The following NTM variants were observed in gnomAD, a reference collection of about 807,000 sequenced individuals.
NTM encodes IgLON family member 2.
In NTM, 13 loss-of-function variants were observed where a neutral mutation model predicts 42.1. The observed-to-expected ratio is 0.31, with a 90% CI of 0.20 to 0.49. The LOEUF is 0.49. Among genes scored for constraint, NTM ranks in the 20% least tolerant of loss-of-function variants. The pLI is 0.99. For missense variants in NTM, 373 were observed against 452.8 expected, an observed-to-expected ratio of 0.82 and a Z score of 1.60; for synonymous variants, 187 against 179.2, an observed-to-expected ratio of 1.04 and a Z score of -0.35.
intron 1 of NTM, among the ~76,000 whole-genome samples, chr11:131,785,403 G>A (rs2088968957): frequency 6.6e-6 from 1 of 152,212 alleles, no homozygotes; most frequent in South Asian, 2.1e-4. Flanking sequence ...AGTCTCAAAA[G>A]TGAGATTCAA....
chr11:132,235,993 GAC>G lies in NTM; in HGVS notation c.526+23874_526+23875del, dbSNP rs367555812. Reference sequence around the variant, plus strand: ...CAATTTTTTGACAGGCACACACACAGACACACACACACACACACACACACACA... The same window carrying G: ...CAATTTTTTGACAGGCACACACACAGACACACACACACACACACACACACA... On this transcript the variant is annotated intron_variant, in intron 4 of 8. Coordinates refer to ENST00000683400, the MANE Select transcript of NTM (RefSeq NM_001352005.2). 6.8e-3 allele frequency among the ~76,000 whole-genome samples: 688 copies of G among 101,058 alleles called. 1 individual carries two copies. The highest frequency in any genetic ancestry group is 0.016 in the African/African-American group (503 of 32,088). The allele number at this position is 101,058 out of a possible 152,430, so 66.3% of individuals were successfully genotyped here.
At chr11:132,056,020 T>A (rs927803526) in intron 2 of NTM, among the ~76,000 whole-genome samples, 1 of 152,334 alleles carries the variant, frequency 6.6e-6, no homozygotes, top group Admixed American at 6.5e-5. Flanking sequence ...GGCAGCTGTG[T>A]GTTCAGGTAG....
chr11:132,138,591 TATC>T lies in NTM; in HGVS notation c.168-7690_168-7688del, dbSNP rs1444279044. Reference sequence around the variant, plus strand: ...CTATCTATCTATCTATCTATCTATCTATCTATCTATCTATCTATCTATCTATCT... The same window carrying T: ...CTATCTATCTATCTATCTATCTATCTTATCTATCTATCTATCTATCTATCT... On this transcript the variant is annotated intron_variant, in intron 2 of 8. Coordinates refer to ENST00000683400, the MANE Select transcript of NTM (RefSeq NM_001352005.2). Among the ~76,000 whole-genome samples, 3 of 73,526 alleles carry T rather than the reference TATC, an allele frequency of 4.1e-5. No homozygotes were observed. In the East Asian group the frequency reaches 9.4e-4, roughly 23 times the overall value. 48.2% of individuals were successfully genotyped at this position (73,526 alleles called of 152,430 possible). A position where few individuals can be genotyped will look rare whatever the true frequency, so the allele number is the denominator to read the frequency against.
chr11:131,685,405 C>T (rs1420962117), intron 1 of NTM, among the ~76,000 whole-genome samples: 1 of 148,944 alleles, frequency 6.7e-6, no homozygotes, highest in Non-Finnish European at 1.5e-5. Context: ...TTCCCCAGAA[C>T]TGAATGGCAA....
At chr11:131,905,460 G>T (rs80257493) in intron 1 of NTM, among the ~76,000 whole-genome samples, 120 of 152,194 alleles carry the variant, frequency 7.9e-4, no homozygotes, top group African/African-American at 2.8e-3. Flanking sequence ...GCTCCTTTCC[G>T]TCTTGGGTCG....
intron 1 of NTM, among the ~76,000 whole-genome samples, chr11:131,631,043 A>T (rs924210549): frequency 6.6e-6 from 1 of 152,222 alleles, no homozygotes; most frequent in Non-Finnish European, 1.5e-5. Flanking sequence ...TCTGTTGATC[A>T]GAGTGAAATC....
intron 1 of NTM, among the ~76,000 whole-genome samples, chr11:131,642,836 C>T (rs1351668740): frequency 6.6e-6 from 1 of 152,126 alleles, no homozygotes; most frequent in Non-Finnish European, 1.5e-5. Flanking sequence ...ATCGTCCTGT[C>T]TTTTCCTCAG....
intron 1 of NTM, among the ~76,000 whole-genome samples, chr11:131,581,412 G>A (rs1415065593): frequency 6.6e-6 from 1 of 152,174 alleles, no homozygotes; most frequent in Non-Finnish European, 1.5e-5. Flanking sequence ...AAATTACAAC[G>A]AATTTAGTTG....
intron 4 of NTM, among the ~76,000 whole-genome samples, chr11:132,227,897 G>A (rs1164921580): frequency 6.6e-6 from 1 of 152,096 alleles, no homozygotes; most frequent in African/African-American, 2.4e-5. Context: ...GAAGGGGCAG[G>A]GGACACAGAA....
rs962433769 is a variant in NTM, at chr11:131,872,366, C to T, written c.83-39198C>T. 7.9e-5 allele frequency among the ~76,000 whole-genome samples: 12 copies of T among 152,260 alleles called. No individual in the cohort carries two copies. In the East Asian group the frequency reaches 9.7e-4, roughly 12 times the overall value. On this transcript the variant is annotated intron_variant, in intron 1 of 8. Coordinates refer to ENST00000683400, the MANE Select transcript of NTM (RefSeq NM_001352005.2). Reference sequence around the variant, plus strand: ...TGACATACTGAGGAATACTTAGATTCGTCGATTTCTCAGTGTCCTTCGTTC... The same window carrying T: ...TGACATACTGAGGAATACTTAGATTTGTCGATTTCTCAGTGTCCTTCGTTC...
At chr11:132,129,392 C>A (rs1033663609) in intron 2 of NTM, among the ~76,000 whole-genome samples, 8 of 152,196 alleles carry the variant, frequency 5.3e-5, no homozygotes, top group Non-Finnish European at 1.2e-4. Flanking sequence ...CAAAGGGAAG[C>A]AAACAGATCC....
intron 1 of NTM, among the ~76,000 whole-genome samples, chr11:131,878,594 A>AATATATATATATATAT (rs201069325): frequency 1.0e-4 from 2 of 19,364 alleles, no homozygotes; most frequent in Non-Finnish European, 2.0e-4. Context: ...AAAAAAAAAA[A>AATATATATATATATAT]ATATATATAT....
intron 1 of NTM, among the ~76,000 whole-genome samples, chr11:131,648,210 A>T (rs2066014045): frequency 1.3e-5 from 2 of 152,200 alleles, no homozygotes; most frequent in African/African-American, 4.8e-5. Context: ...ATGGCTGCAT[A>T]GTGTTCCATT....
intron 4 of NTM, among the ~76,000 whole-genome samples, chr11:132,212,965 A>G (rs2083123655): frequency 6.6e-6 from 1 of 152,054 alleles, no homozygotes; most frequent in Non-Finnish European, 1.5e-5. Flanking sequence ...TGACAAAAAA[A>G]AAAAGAGTAT....
At chr11:131,517,168 G>T (rs972330777) in intron 1 of NTM, among the ~76,000 whole-genome samples, 1 of 152,266 alleles carries the variant, frequency 6.6e-6, no homozygotes, top group East Asian at 1.9e-4. Context: ...GCTGCTGATT[G>T]GGTCTCATTT....
intron 1 of NTM, among the ~76,000 whole-genome samples, chr11:131,753,843 GTAAC>G (rs1200687792): frequency 1.3e-4 from 19 of 151,226 alleles, no homozygotes; most frequent in African/African-American, 4.4e-4. Context: ...GTATACATAT[GTAAC>G]TAACCTGCAC....
chr11:131,790,813 G>A lies in NTM; in HGVS notation c.83-120751G>A, dbSNP rs141595611. Among the ~76,000 whole-genome samples the A allele has an allele frequency of 1.3e-3, 199 of 152,330 alleles. 1 individual carries two copies. The highest frequency in any genetic ancestry group is 4.7e-3 in the African/African-American group (196 of 41,578). On this transcript the variant is annotated intron_variant, in intron 1 of 8. Coordinates refer to ENST00000683400, the MANE Select transcript of NTM (RefSeq NM_001352005.2). ...GCATCAGAATTGCCCTTTGGTCCCA[G>A]ATGTGTGAGTCAAGAGGCACAGATT...
At chr11:132,087,162 T>C (rs1343469681) in intron 2 of NTM, among the ~76,000 whole-genome samples, 1 of 152,274 alleles carries the variant, frequency 6.6e-6, no homozygotes, top group East Asian at 1.9e-4. Flanking sequence ...TATTCCCAAG[T>C]CCCAGTGACC....
chr11:132,207,657 C>T (rs532060018), intron 3 of NTM, among the ~76,000 whole-genome samples: 1 of 152,310 alleles, frequency 6.6e-6, no homozygotes, highest in South Asian at 2.1e-4. Flanking sequence ...CTAAAGTAGA[C>T]TTCTTCCATT....
Sources: allele counts gnomAD v4.1 joint callset (sites outside exome capture counted in the v4.1 genomes callset), GRCh38; gene constraint gnomAD v4.1.1; transcripts MANE v1.5; gene names NCBI Gene and HGNC (gene_info 2026-07-23, HGNC 2026-07-21).